Variants in ARHGAP24 observed in about 807,000 individuals in gnomAD.
ARHGAP24 encodes Rho GTPase activating protein 24.
Under a neutral mutation model 76.4 loss-of-function variants are expected in ARHGAP24, and 50 were observed. The observed-to-expected ratio is 0.65, with a 90% CI of 0.52 to 0.83. The LOEUF (loss-of-function observed/expected upper bound fraction) is 0.83, where lower values mean the gene tolerates loss of function less well. ARHGAP24 is among the 40% of genes least tolerant of loss of function. The probability of loss-of-function intolerance (pLI) is 0.00; values close to 1 mark genes in which losing one functional copy is unlikely to be tolerated. For synonymous variants in ARHGAP24, 345 were observed against 323.3 expected (o/e 1.07, Z -0.72); for missense variants, 930 against 914.2 (o/e 1.02, Z -0.22).
intron 3 of ARHGAP24, among the ~76,000 whole-genome samples, chr4:85,774,619 C>G (rs1052933590): frequency 1.3e-5 from 2 of 152,236 alleles, no homozygotes; most frequent in East Asian, 1.9e-4. Context: ...TATCCACAGA[C>G]GATATTCTGG....
At chr4:85,502,684 C>T (rs989452785) in intron 1 of ARHGAP24, among the ~76,000 whole-genome samples, 6 of 152,126 alleles carry the variant, frequency 3.9e-5, no homozygotes, top group Non-Finnish European at 8.8e-5. Flanking sequence ...ATTTGACTTC[C>T]TCTTTTCCTA....
At chr4:85,981,688 T>A (rs1279808077) in intron 8 of ARHGAP24, among the ~76,000 whole-genome samples, 3 of 152,148 alleles carry the variant, frequency 2.0e-5, no homozygotes, top group Non-Finnish European at 2.9e-5. Flanking sequence ...TCTGTTCTCC[T>A]AGTCCTTCCC....
At chr4:85,840,157 G>A (rs2601839) in intron 3 of ARHGAP24, among the ~76,000 whole-genome samples, 4 of 147,970 alleles carry the variant, frequency 2.7e-5, no homozygotes, top group Admixed American at 6.8e-5. Flanking sequence ...GAGCCACCAC[G>A]CCCAGCCTTA....
In ARHGAP24 at chr4:85,870,551, G is replaced by A. The variant is rs369546133; in HGVS notation, c.269-53097G>A. Among the ~76,000 whole-genome samples the A allele has an allele frequency of 1.1e-4, 17 of 152,246 alleles. No homozygotes were observed. The East Asian group carries it at 3.1e-3, about 28-fold the overall frequency. ...ACATTTATATGAGTTAACCTTTTCA[G>A]CATTAAATTCCATTAGTTAGTGGAG... On this transcript the variant is annotated intron_variant, in intron 3 of 9. Coordinates refer to ENST00000395184, the MANE Select transcript of ARHGAP24 (RefSeq NM_001025616.3).
At chr4:85,953,457 T>C (rs1203967620) in intron 5 of ARHGAP24, among the ~76,000 whole-genome samples, 2 of 152,170 alleles carry the variant, frequency 1.3e-5, no homozygotes, top group Non-Finnish European at 2.9e-5. Context: ...AACTGAGTTA[T>C]GAAAAAGTGA....
At position 85,721,936 on chromosome 4, in the gene ARHGAP24, G is replaced by A; in HGVS notation, c.232G>A (p.Glu78Lys). The stretch of plus-strand genomic sequence containing the variant: ...AGTTTCTGAGCATCCCTGCAATGAA[G>A]AGAACCCAGGGAAGTTCCTTTTTGA... The part of the protein sequence containing the change: ...NKVSEHPCNE[E>K]NPGKFLFEVV... Residue 78 changes from glutamate to lysine, a missense_variant, in exon 3 of 10, where the codon GAG (glutamate) becomes AAG (lysine). By Grantham distance (56) the Glu-to-Lys change is moderately conservative. Transcript: ENST00000395184. 1 of 1,613,544 alleles carries A rather than the reference G, an allele frequency of 6.2e-7. No individual in the cohort carries two copies.
At chr4:85,721,793 A>T (rs1230483435) in intron 2 of ARHGAP24, 92 bp from the exon 3 acceptor site, 1 of 1,114,114 alleles carries the variant, frequency 9.0e-7, no homozygotes, top group Non-Finnish European at 1.4e-6. Flanking sequence ...ATACTGGGTT[A>T]TAGCTACACC....
intron 2 of ARHGAP24, among the ~76,000 whole-genome samples, chr4:85,646,733 T>C (rs1721736544): frequency 6.6e-6 from 1 of 152,080 alleles, no homozygotes. Context: ...TCTGCAAAAA[T>C]ATAAGGGAAC....
At chr4:85,894,960 C>CAAAAAAAAAAAAA (rs540459367) in intron 3 of ARHGAP24, among the ~76,000 whole-genome samples, 10 of 35,340 alleles carry the variant, frequency 2.8e-4, no homozygotes, top group Non-Finnish European at 4.6e-4. Context: ...GACTCCCTCT[C>CAAAAAAAAAAAAA]AAAAAAAAAA....
intron 5 of ARHGAP24, among the ~76,000 whole-genome samples, chr4:85,957,162 A>G (rs1005763495): frequency 6.6e-6 from 1 of 152,174 alleles, no homozygotes. Context: ...TAGTCAGCCT[A>G]GGAAATCCAG....
At chr4:85,506,626 C>T (rs1724059946) in intron 1 of ARHGAP24, among the ~76,000 whole-genome samples, 1 of 149,264 alleles carries the variant, frequency 6.7e-6, no homozygotes, top group South Asian at 2.1e-4. Context: ...GCAGAAGTGT[C>T]CCATTTTTCC....
chr4:85,896,324 A>G (rs886073575), intron 3 of ARHGAP24, among the ~76,000 whole-genome samples: 1 of 152,218 alleles, frequency 6.6e-6, no homozygotes, highest in South Asian at 2.1e-4. Flanking sequence ...TTATCTTAAA[A>G]GATTTCTCTT....
At chr4:85,745,867 T>A (rs1578192270) in intron 3 of ARHGAP24, among the ~76,000 whole-genome samples, 1 of 152,196 alleles carries the variant, frequency 6.6e-6, no homozygotes, top group African/African-American at 2.4e-5. Flanking sequence ...TGCAGATTAT[T>A]CTAATGCCTA....
chr4:85,965,204 CAA>C (rs1007660243), intron 5 of ARHGAP24, among the ~76,000 whole-genome samples: 3 of 152,096 alleles, frequency 2.0e-5, no homozygotes, highest in African/African-American at 7.2e-5. Context: ...CAAGGAGGAG[CAA>C]GTCACATCTT....
chr4:85,827,516 G>A (rs1423009143), intron 3 of ARHGAP24, among the ~76,000 whole-genome samples: 1 of 126,626 alleles, frequency 7.9e-6, no homozygotes, highest in African/African-American at 3.1e-5. Flanking sequence ...GTGTGTGTGT[G>A]TTTAGAGAGA....
At chr4:85,787,896 T>C (rs1727926822) in intron 3 of ARHGAP24, among the ~76,000 whole-genome samples, 1 of 152,136 alleles carries the variant, frequency 6.6e-6, no homozygotes, top group Admixed American at 6.5e-5. Flanking sequence ...CCATGTAAAG[T>C]GCATGAAGGC....
chr4:85,995,628 G>A lies in ARHGAP24; in HGVS notation c.1974G>A (p.Gln658=), dbSNP rs567889240. 3.3e-4 allele frequency: 530 copies of A among 1,613,968 alleles called. 5 individuals carry two copies. The South Asian group carries it at 5.4e-3, about 17-fold the overall frequency. Residue 658 remains glutamine, a synonymous_variant, in exon 9 of 10, where the codon CAG becomes CAA. Coordinates refer to ENST00000395184, the MANE Select transcript of ARHGAP24 (RefSeq NM_001025616.3). ...VSSLKQEMTK[Q]KIEYESRIKS... Reference sequence around the variant, plus strand: ...GCCTGAAACAGGAAATGACCAAACAGAAGATAGAGTATGAGTCCAGGATAA... The same window carrying A: ...GCCTGAAACAGGAAATGACCAAACAAAAGATAGAGTATGAGTCCAGGATAA...
At chr4:85,789,681 G>C (rs1041015432) in intron 3 of ARHGAP24, among the ~76,000 whole-genome samples, 1 of 152,154 alleles carries the variant, frequency 6.6e-6, no homozygotes, top group Non-Finnish European at 1.5e-5. Context: ...TTTGACATTC[G>C]TGGTAAACTG....
chr4:85,507,679 C>T (rs184569350), intron 1 of ARHGAP24, among the ~76,000 whole-genome samples: 165 of 152,144 alleles, frequency 1.1e-3, no homozygotes, highest in African/African-American at 3.8e-3. Flanking sequence ...ACTTCTTCAC[C>T]GGGTTGTGGA....
Sources: allele counts gnomAD v4.1 joint callset (sites outside exome capture counted in the v4.1 genomes callset), GRCh38; gene constraint gnomAD v4.1.1; transcripts MANE v1.5; gene names NCBI Gene and HGNC (gene_info 2026-07-23, HGNC 2026-07-21).